Variants in CCDC192 observed in about 807,000 individuals in gnomAD.
CCDC192 encodes coiled-coil domain containing 192.
At chr5:127,765,416 TGA>T (rs1755163406) in intron 3 of CCDC192, among the ~76,000 whole-genome samples, 1 of 152,236 alleles carries the variant, frequency 6.6e-6, no homozygotes. Flanking sequence ...TAGGATATAC[TGA>T]GTTTATTTTT....
chr5:127,714,453 G>C, intron 2 of CCDC192, among the ~76,000 whole-genome samples: 1 of 152,056 alleles, frequency 6.6e-6, no homozygotes, highest in East Asian at 1.9e-4. Flanking sequence ...CAGTGGTGTA[G>C]TCTTGGCTCA....
intron 6 of CCDC192, among the ~76,000 whole-genome samples, chr5:127,923,441 C>A (rs1042678532): frequency 6.6e-6 from 1 of 151,102 alleles, no homozygotes; most frequent in African/African-American, 2.4e-5. Context: ...GCAGTGGTGC[C>A]ATCTTGGCTC....
intron 6 of CCDC192, among the ~76,000 whole-genome samples, chr5:127,919,777 A>G (rs1753654411): frequency 6.6e-6 from 1 of 152,072 alleles, no homozygotes; most frequent in African/African-American, 2.4e-5. Context: ...CTGCTATTCT[A>G]TCTCACAAGA....
intron 5 of CCDC192, among the ~76,000 whole-genome samples, chr5:127,841,455 G>A (rs1750282941): frequency 6.6e-6 from 1 of 152,132 alleles, no homozygotes; most frequent in Admixed American, 6.5e-5. Context: ...TTTTAAACTA[G>A]CATCTGTGTT....
chr5:127,916,708 C>G (rs1753529523), intron 6 of CCDC192, among the ~76,000 whole-genome samples: 1 of 152,128 alleles, frequency 6.6e-6, no homozygotes, highest in Non-Finnish European at 1.5e-5. Flanking sequence ...GAGTAGAGAT[C>G]CCAGTAGTAA....
chr5:127,914,423 C>A (rs1398093175), intron 6 of CCDC192, among the ~76,000 whole-genome samples: 1 of 152,086 alleles, frequency 6.6e-6, no homozygotes, highest in Non-Finnish European at 1.5e-5. Flanking sequence ...AATATTTACA[C>A]CAATGTATAA....
chr5:127,807,016 G>A (rs1209804451), intron 5 of CCDC192, among the ~76,000 whole-genome samples: 2 of 152,126 alleles, frequency 1.3e-5, no homozygotes, highest in African/African-American at 4.8e-5. Context: ...CTGTGGACCT[G>A]GCAAAGGTTA....
intron 6 of CCDC192, among the ~76,000 whole-genome samples, chr5:127,896,503 G>A (rs951447360): frequency 6.6e-6 from 1 of 150,846 alleles, no homozygotes; most frequent in Non-Finnish European, 1.5e-5. Context: ...CTGCGAACTC[G>A]GCTCACCACA....
intron 3 of CCDC192, among the ~76,000 whole-genome samples, chr5:127,757,167 C>T (rs1443089460): frequency 6.6e-6 from 1 of 152,112 alleles, no homozygotes; most frequent in African/African-American, 2.4e-5. Context: ...AATTGGAAGA[C>T]ATGGAGAATG....
At chr5:127,773,554 T>C (rs1269141753) in intron 3 of CCDC192, among the ~76,000 whole-genome samples, 1 of 152,222 alleles carries the variant, frequency 6.6e-6, no homozygotes, top group Non-Finnish European at 1.5e-5. Context: ...ATCTGGCTTT[T>C]TGCACTTAAC....
At chr5:127,920,948 T>C (rs1187148010) in intron 6 of CCDC192, among the ~76,000 whole-genome samples, 1 of 151,594 alleles carries the variant, frequency 6.6e-6, no homozygotes, top group Non-Finnish European at 1.5e-5. Context: ...TAGTCCCAGC[T>C]ACCTGGGAGG....
chr5:127,803,697 A>G (rs374558605), intron 5 of CCDC192, among the ~76,000 whole-genome samples: 2 of 152,016 alleles, frequency 1.3e-5, no homozygotes, highest in South Asian at 4.1e-4. Flanking sequence ...CTTTACCTCC[A>G]TCCCAACGGC....
At chr5:127,808,496 G>A (rs945179751) in intron 5 of CCDC192, among the ~76,000 whole-genome samples, 1 of 151,986 alleles carries the variant, frequency 6.6e-6, no homozygotes, top group African/African-American at 2.4e-5. Flanking sequence ...AACCCTCAGT[G>A]GCTGCCCATA....
chr5:127,724,847 C>CAAAAAAA (rs71223028), intron 2 of CCDC192, among the ~76,000 whole-genome samples: 1 of 120,920 alleles, frequency 8.3e-6, no homozygotes, highest in African/African-American at 3.3e-5. Flanking sequence ...GACTCCGTCT[C>CAAAAAAA]AAAAAAAAAA....
At chr5:127,795,395 C>T (rs1470432339) in intron 3 of CCDC192, among the ~76,000 whole-genome samples, 2 of 151,618 alleles carry the variant, frequency 1.3e-5, no homozygotes, top group Non-Finnish European at 2.9e-5. Context: ...ATAAGAGCTG[C>T]TAGATGTTTG....
intron 2 of CCDC192, among the ~76,000 whole-genome samples, chr5:127,709,201 GGGAGAGAGAGAGAGAGAGAGAGA>G (rs1751167993): frequency 3.0e-5 from 3 of 101,018 alleles, no homozygotes; most frequent in African/African-American, 1.1e-4. Flanking sequence ...TGGAGAGAGG[GGGAGAGAGAGAGAGAGAGAGAGA>G]GAGAGAGAGA....
intron 6 of CCDC192, among the ~76,000 whole-genome samples, chr5:127,878,863 G>T (rs1752229899): frequency 1.3e-5 from 2 of 148,592 alleles, no homozygotes; most frequent in African/African-American, 5.0e-5. Context: ...CCATTTGTTT[G>T]TATCCTCTTT....
intron 3 of CCDC192, among the ~76,000 whole-genome samples, chr5:127,776,485 C>G (rs1473579856): frequency 6.6e-6 from 1 of 152,150 alleles, no homozygotes; most frequent in Non-Finnish European, 1.5e-5. Flanking sequence ...AAATTTGCAG[C>G]CTGACAATGC....
At chr5:127,825,952 G>T (rs1222018371) in intron 5 of CCDC192, among the ~76,000 whole-genome samples, 1 of 152,132 alleles carries the variant, frequency 6.6e-6, no homozygotes, top group Non-Finnish European at 1.5e-5. Flanking sequence ...AATTATAAAT[G>T]AATGTTACTT....
Sources: gnomAD v4.1 joint callset for allele counts (sites outside exome capture counted in the v4.1 genomes callset) on GRCh38, gnomAD v4.1.1 for gene constraint, MANE v1.5 for transcripts, NCBI Gene and HGNC (gene_info 2026-07-23, HGNC 2026-07-21) for gene names.